ZNF251: variants seen among roughly 807,000 people sequenced by gnomAD.
ZNF251 encodes zinc finger protein 251.
ZNF251 carries 14 observed loss-of-function variants against 13.5 expected under a neutral mutation model. That is an observed-to-expected ratio of 1.04 (90% CI 0.69 to 1.63). The LOEUF (loss-of-function observed/expected upper bound fraction) is 1.63, where lower values mean the gene tolerates loss of function less well. ZNF251 is among the 40% of genes most tolerant of loss of function. ZNF251 has a pLI of 0.00. For missense variants in ZNF251, 764 were observed against 834.9 expected, an observed-to-expected ratio of 0.92 and a Z score of 1.05; for synonymous variants, 287 against 295.2, an observed-to-expected ratio of 0.97 and a Z score of 0.28.
intron 4 of ZNF251, among the ~76,000 whole-genome samples, chr8:144,730,757 GC>G (rs1823669823): frequency 6.6e-6 from 1 of 152,254 alleles, no homozygotes; most frequent in African/African-American, 2.4e-5. Flanking sequence ...TCTCCGGGGT[GC>G]CCATCACTAA....
At chr8:144,737,530 C>A (rs111470088) in intron 4 of ZNF251, among the ~76,000 whole-genome samples, 31,187 of 148,318 alleles carry the variant, frequency 0.21, 7,537 homozygotes, top group African/African-American at 0.58. Flanking sequence ...AACAAACAAA[C>A]AAAAAACCAG....
chr8:144,733,093 A>G (rs1304959817), intron 4 of ZNF251, among the ~76,000 whole-genome samples: 1 of 151,506 alleles, frequency 6.6e-6, no homozygotes, highest in Non-Finnish European at 1.5e-5. Context: ...GTGGTGGCAT[A>G]TGCCTGTAGT....
rs537755997 is a variant in ZNF251 at position 144,723,207 on chromosome 8, G to A, written c.453C>T (p.Ala151=). 12 of 1,612,652 alleles carry A rather than the reference G, an allele frequency of 7.4e-6. No homozygotes were observed. Among genetic ancestry groups the A allele is most frequent in the African/African-American group, 2.7e-5 (2 of 74,900 alleles). Residue 151 remains alanine (A), a synonymous_variant, in exon 5 of 5, where the codon GCC becomes GCT. Coordinates refer to ENST00000292562, the MANE Select transcript of ZNF251 (RefSeq NM_138367.2). ...GKLKERVGNS[A]GQSLNKPNIH... ...TATTGGGTTTGTTCAAACTCTGCCC[G>A]GCAGAATTTCCCACGCGCTCTTTGA...
At chr8:144,754,830 C>T (rs1320867158) in intron 1 of ZNF251, 27 bp from the exon 2 acceptor site, 1 of 1,523,220 alleles carries the variant, frequency 6.6e-7, no homozygotes. Context: ...TCAGGCTCAG[C>T]CCCATTCAAC....
chr8:144,740,434 C>T (rs181733860), intron 4 of ZNF251, among the ~76,000 whole-genome samples: 52 of 151,984 alleles, frequency 3.4e-4, no homozygotes, highest in Admixed American at 3.1e-3. Flanking sequence ...GTCAGGAGTT[C>T]GAGACCACCC....
intron 4 of ZNF251, among the ~76,000 whole-genome samples, chr8:144,737,318 G>A (rs1250259130): frequency 1.3e-5 from 2 of 151,926 alleles, no homozygotes; most frequent in Non-Finnish European, 2.9e-5. Context: ...GGCTGGTCTT[G>A]AACTCCTGGT....
At chr8:144,732,635 A>T (rs950003390) in intron 4 of ZNF251, among the ~76,000 whole-genome samples, 1 of 151,542 alleles carries the variant, frequency 6.6e-6, no homozygotes, top group Non-Finnish European at 1.5e-5. Flanking sequence ...ACACGGTGAA[A>T]CCCCGTCTCT....
At chr8:144,751,273 A>T (rs189478611) in intron 4 of ZNF251, among the ~76,000 whole-genome samples, 1 of 152,350 alleles carries the variant, frequency 6.6e-6, no homozygotes, top group African/African-American at 2.4e-5. Context: ...GATGACTTCT[A>T]AAGTCCTTAC....
intron 4 of ZNF251, among the ~76,000 whole-genome samples, chr8:144,724,776 A>C (rs1292900862): frequency 6.6e-6 from 1 of 152,204 alleles, no homozygotes; most frequent in Non-Finnish European, 1.5e-5. Flanking sequence ...ATTAAATGAA[A>C]AGCTCATATT....
At chr8:144,737,441 A>C (rs1036609828) in intron 4 of ZNF251, among the ~76,000 whole-genome samples, 2 of 151,754 alleles carry the variant, frequency 1.3e-5, no homozygotes, top group African/African-American at 4.8e-5. Context: ...CGGGAGGTGG[A>C]GCTTGCAGTC....
At chr8:144,735,493 A>G (rs1258331329) in intron 4 of ZNF251, among the ~76,000 whole-genome samples, 2 of 151,846 alleles carry the variant, frequency 1.3e-5, no homozygotes. Context: ...GCTCACTCCC[A>G]CAGAAATGTG....
chr8:144,752,947 G>T (rs1824763353), intron 4 of ZNF251, among the ~76,000 whole-genome samples: 1 of 151,960 alleles, frequency 6.6e-6, no homozygotes, highest in African/African-American at 2.4e-5. Flanking sequence ...ATATCAAGTA[G>T]TAGATGTATA....
intron 4 of ZNF251, among the ~76,000 whole-genome samples, chr8:144,732,632 G>A (rs972809155): frequency 1.3e-5 from 2 of 151,712 alleles, no homozygotes; most frequent in Admixed American, 1.3e-4. Flanking sequence ...CCAACACGGT[G>A]AAACCCCGTC....
chr8:144,736,467 A>G lies in ZNF251; in HGVS notation c.278-13085T>C, dbSNP rs1164551451. Among the ~76,000 whole-genome samples the G allele has an allele frequency of 2.4e-5, 3 of 125,772 alleles. No homozygotes were observed. The Admixed American group carries it at 2.5e-4, about 10-fold the overall frequency. The allele number at this position is 125,772 out of a possible 152,430, so 82.5% of individuals were successfully genotyped here. A position where few individuals can be genotyped will look rare whatever the true frequency, so the allele number is the denominator to read the frequency against. On this transcript the variant is annotated intron_variant, in intron 4 of 4. Coordinates refer to ENST00000292562, the MANE Select transcript of ZNF251 (RefSeq NM_138367.2). ...TCACCTTCCTTTATTTTATTTATTT[A>G]TTTATTTATTTATTTATTTATTTAT... is the stretch of plus-strand genomic sequence containing the variant.
chr8:144,730,218 C>T (rs1823654384), intron 4 of ZNF251: 7 of 631,758 alleles, frequency 1.1e-5, no homozygotes, highest in Non-Finnish European at 1.4e-5. Context: ...AGCGCCAATC[C>T]CTGGACTGAA....
intron 4 of ZNF251, among the ~76,000 whole-genome samples, chr8:144,732,666 G>C (rs1211243409): frequency 6.6e-6 from 1 of 151,982 alleles, no homozygotes; most frequent in African/African-American, 2.4e-5. Context: ...CAAAAAATTA[G>C]CTGGGTGTGG....
intron 4 of ZNF251, among the ~76,000 whole-genome samples, chr8:144,733,743 C>T (rs187013461): frequency 2.8e-4 from 43 of 152,254 alleles, no homozygotes; most frequent in African/African-American, 9.6e-4. Context: ...TCAGGCGTGC[C>T]GTGTACCCCC....
chr8:144,733,058 C>A (rs949076215), intron 4 of ZNF251, among the ~76,000 whole-genome samples: 5 of 151,184 alleles, frequency 3.3e-5, no homozygotes, highest in African/African-American at 4.9e-5. Flanking sequence ...CCTGTCTCCA[C>A]TAAAAATACA....
intron 4 of ZNF251, among the ~76,000 whole-genome samples, chr8:144,732,657 A>C (rs945909449): frequency 6.6e-6 from 1 of 151,382 alleles, no homozygotes; most frequent in East Asian, 2.0e-4. Context: ...CTAAAAATAC[A>C]AAAAATTAGC....
Sources: allele counts gnomAD v4.1 joint callset (sites outside exome capture counted in the v4.1 genomes callset), GRCh38; gene constraint gnomAD v4.1.1; transcripts MANE v1.5; gene names NCBI Gene and HGNC (gene_info 2026-07-23, HGNC 2026-07-21).